The following CNTNAP5 variants were observed in gnomAD, a reference collection of about 807,000 sequenced individuals.
CNTNAP5 encodes the protein contactin-associated protein-like 5.
In CNTNAP5, 72 loss-of-function variants were observed where a neutral mutation model predicts 150.2. The ratio of observed to expected loss-of-function variants is 0.48; its 90% confidence interval spans 0.40 to 0.58. CNTNAP5 has a LOEUF of 0.58. Among genes scored for constraint, CNTNAP5 ranks in the 20% least tolerant of loss-of-function variants. The pLI, the probability that CNTNAP5 is intolerant of heterozygous loss-of-function variation, is 0.00. For synonymous variants in CNTNAP5, 672 were observed against 619.8 expected, an observed-to-expected ratio of 1.08 and a Z score of -1.25; for missense variants, 1,636 against 1,626.2, an observed-to-expected ratio of 1.01 and a Z score of -0.10.
chr2:124,916,490 G>A lies in CNTNAP5; in HGVS notation c.*2202G>A, dbSNP rs536072923. On this transcript the variant is annotated 3_prime_UTR_variant, in exon 24 of 24. Transcript: ENST00000682447. ...AGTGTAGTAGGTTTAGCCTGAAGCA[G>A]CTCCAATAATGAAATAGAAAGGCAA... Among the ~76,000 whole-genome samples, 11 of 152,156 alleles carry A rather than the reference G, an allele frequency of 7.2e-5. No homozygotes were observed. The highest frequency in any genetic ancestry group is 2.6e-4 in the African/African-American group (11 of 41,544).
intron 7 of CNTNAP5, among the ~76,000 whole-genome samples, chr2:124,495,342 G>C (rs1408002214): frequency 6.6e-6 from 1 of 152,134 alleles, no homozygotes; most frequent in African/African-American, 2.4e-5. Context: ...ATATTTTTGA[G>C]CTTCTTGATT....
intron 3 of CNTNAP5, among the ~76,000 whole-genome samples, chr2:124,300,951 A>G (rs1688557056): frequency 1.3e-5 from 2 of 152,214 alleles, no homozygotes; most frequent in Non-Finnish European, 2.9e-5. Flanking sequence ...GCTTTGGAGA[A>G]AAATATATCC....
At chr2:124,644,776 G>A (rs1678168924) in intron 12 of CNTNAP5, among the ~76,000 whole-genome samples, 1 of 152,088 alleles carries the variant, frequency 6.6e-6, no homozygotes, top group Non-Finnish European at 1.5e-5. Context: ...AGAGGACATA[G>A]GGCAGATTCA....
intron 11 of CNTNAP5, among the ~76,000 whole-genome samples, chr2:124,563,615 C>A (rs1328361533): frequency 6.6e-6 from 1 of 152,028 alleles, no homozygotes; most frequent in Non-Finnish European, 1.5e-5. Flanking sequence ...TGTAGGCACA[C>A]AAGAGGGAGC....
At chr2:124,139,119 T>G (rs1441770401) in intron 1 of CNTNAP5, among the ~76,000 whole-genome samples, 1 of 151,982 alleles carries the variant, frequency 6.6e-6, no homozygotes, top group Non-Finnish European at 1.5e-5. Flanking sequence ...TTGTTGGAGT[T>G]TTTTTTTCCC....
chr2:124,719,649 G>A (rs1376745190), intron 13 of CNTNAP5, among the ~76,000 whole-genome samples: 2 of 152,078 alleles, frequency 1.3e-5, no homozygotes, highest in Admixed American at 1.3e-4. Flanking sequence ...GTGGTCCTGT[G>A]ACTATTTTAT....
intron 17 of CNTNAP5, among the ~76,000 whole-genome samples, chr2:124,787,593 C>G (rs1462263776): frequency 6.6e-6 from 1 of 152,132 alleles, no homozygotes; most frequent in Non-Finnish European, 1.5e-5. Context: ...AGTCTGCTGA[C>G]CTGGTGGGAT....
At chr2:124,254,302 T>C (rs1278533429) in intron 3 of CNTNAP5, among the ~76,000 whole-genome samples, 1 of 152,162 alleles carries the variant, frequency 6.6e-6, no homozygotes, top group South Asian at 2.1e-4. Flanking sequence ...CTTCAAAATA[T>C]CCCAGCTCCT....
At chr2:124,170,053 G>T (rs1209815859) in intron 1 of CNTNAP5, among the ~76,000 whole-genome samples, 2 of 152,100 alleles carry the variant, frequency 1.3e-5, no homozygotes, top group Admixed American at 1.3e-4. Flanking sequence ...TTAGGGAAAT[G>T]GGCTATATAT....
intron 13 of CNTNAP5, among the ~76,000 whole-genome samples, chr2:124,710,014 A>C (rs968121586): frequency 9.3e-6 from 1 of 107,116 alleles, no homozygotes; most frequent in Non-Finnish European, 2.3e-5. Context: ...ACAAAATTAC[A>C]AAAAAAGTGG....
intron 1 of CNTNAP5, among the ~76,000 whole-genome samples, chr2:124,157,585 A>C (rs1684575897): frequency 6.6e-6 from 1 of 152,198 alleles, no homozygotes; most frequent in African/African-American, 2.4e-5. Context: ...TCTTTTTAGA[A>C]GAAAGAAGGG....
chr2:124,795,149 G>A (rs545614718), intron 18 of CNTNAP5, among the ~76,000 whole-genome samples: 3 of 152,038 alleles, frequency 2.0e-5, no homozygotes, highest in African/African-American at 4.8e-5. Context: ...GTGCTTTTAC[G>A]TACTTTCTTC....
At chr2:124,167,354 T>G (rs998447538) in intron 1 of CNTNAP5, among the ~76,000 whole-genome samples, 1 of 152,300 alleles carries the variant, frequency 6.6e-6, no homozygotes, top group East Asian at 1.9e-4. Context: ...ATAATAAAGT[T>G]TCTTTTACAC....
At chr2:124,575,611 T>C (rs1696265431) in intron 11 of CNTNAP5, among the ~76,000 whole-genome samples, 1 of 152,218 alleles carries the variant, frequency 6.6e-6, no homozygotes, top group African/African-American at 2.4e-5. Context: ...TAATTGTCTA[T>C]TCTCTATTCT....
intron 3 of CNTNAP5, among the ~76,000 whole-genome samples, chr2:124,336,697 C>T (rs1398247089): frequency 6.6e-6 from 1 of 152,096 alleles, no homozygotes; most frequent in Non-Finnish European, 1.5e-5. Flanking sequence ...CTGCAAAGGA[C>T]ATGAACTCAT....
At chr2:124,111,862 G>GT (rs767291208) in intron 1 of CNTNAP5, among the ~76,000 whole-genome samples, 5 of 152,028 alleles carry the variant, frequency 3.3e-5, no homozygotes, top group Non-Finnish European at 7.4e-5. Flanking sequence ...ATCTATTCAG[G>GT]TTTTTTTAAG....
At chr2:124,699,259 A>G (rs113723445) in intron 13 of CNTNAP5, among the ~76,000 whole-genome samples, 12 of 152,250 alleles carry the variant, frequency 7.9e-5, no homozygotes, top group African/African-American at 2.9e-4. Context: ...AGAAATTCTT[A>G]TCTCAATACA....
chr2:124,360,448 G>T (rs1033848687), intron 3 of CNTNAP5, among the ~76,000 whole-genome samples: 1 of 145,584 alleles, frequency 6.9e-6, no homozygotes, highest in African/African-American at 2.5e-5. Context: ...GGCTGGTACC[G>T]GTTGTTCCTT....
chr2:124,613,435 A>T (rs1263868960), intron 12 of CNTNAP5, among the ~76,000 whole-genome samples: 2 of 152,224 alleles, frequency 1.3e-5, no homozygotes, highest in Non-Finnish European at 2.9e-5. Flanking sequence ...GCCCAAGCCC[A>T]CATCTGTAAA....
Sources: allele counts gnomAD v4.1 joint callset (sites outside exome capture counted in the v4.1 genomes callset), GRCh38; gene constraint gnomAD v4.1.1; transcripts MANE v1.5; gene names NCBI Gene and HGNC (gene_info 2026-07-23, HGNC 2026-07-21).